EXOC6B: variants seen among roughly 807,000 people sequenced by gnomAD.
EXOC6B encodes SEC15 homolog B.
EXOC6B carries 54 observed loss-of-function variants against 113.5 expected under a neutral mutation model. The ratio of observed to expected loss-of-function variants is 0.48; its 90% CI spans 0.38 to 0.60. The LOEUF is 0.60. Ranked by LOEUF, EXOC6B falls within the 20% of genes least tolerant of loss-of-function variation. EXOC6B has a pLI of 0.00. For synonymous variants in EXOC6B, 357 were observed against 339.0 expected (o/e 1.05, Z -0.58); for missense variants, 797 against 977.5 (o/e 0.82, Z 2.46).
intron 17 of EXOC6B, among the ~76,000 whole-genome samples, chr2:72,474,127 T>G (rs1027506976): frequency 2.0e-5 from 3 of 152,046 alleles, no homozygotes; most frequent in African/African-American, 7.2e-5. Context: ...TTCTGAGAAA[T>G]CCACTGTTAG....
At chr2:72,473,568 A>G (rs920133203) in intron 17 of EXOC6B, among the ~76,000 whole-genome samples, 1 of 152,060 alleles carries the variant, frequency 6.6e-6, no homozygotes, top group Non-Finnish European at 1.5e-5. Flanking sequence ...GCATCTTTAA[A>G]GGTAAATTAT....
At chr2:72,447,341 A>G (rs1558675816) in intron 18 of EXOC6B, among the ~76,000 whole-genome samples, 1 of 152,192 alleles carries the variant, frequency 6.6e-6, no homozygotes, top group Non-Finnish European at 1.5e-5. Context: ...CACCTAAGAA[A>G]TGTCTATTAA....
At position 72,441,908 on chromosome 2, in the gene EXOC6B, C is replaced by T. The variant is rs545049451; in HGVS notation, c.1980+23252G>A. Among the ~76,000 whole-genome samples the T allele has an allele frequency of 3.3e-5, 5 of 152,314 alleles. No homozygotes were observed. The East Asian group carries it at 9.6e-4, about 29-fold the overall frequency. On this transcript the variant is annotated intron_variant, in intron 18 of 21. Coordinates refer to ENST00000272427, the MANE Select transcript of EXOC6B (RefSeq NM_015189.3). ...TCCTCCCTAATGCAATCTATGAGGC[C>T]AGCCTCATCCTGATAGCAAAACCTG... is the stretch of plus-strand genomic sequence containing the variant.
At chr2:72,799,623 A>G (rs1200793651) in intron 1 of EXOC6B, among the ~76,000 whole-genome samples, 3 of 152,230 alleles carry the variant, frequency 2.0e-5, no homozygotes, top group Non-Finnish European at 4.4e-5. Flanking sequence ...TTAATATAAA[A>G]GCCTATGCAA....
intron 18 of EXOC6B, among the ~76,000 whole-genome samples, chr2:72,404,544 G>C (rs1693591495): frequency 6.6e-6 from 1 of 152,182 alleles, no homozygotes; most frequent in African/African-American, 2.4e-5. Flanking sequence ...AGCATTTGCT[G>C]TTCACCAATA....
In EXOC6B at chr2:72,684,299, C is replaced by T. The variant is rs1676932289; in HGVS notation, c.669+33804G>A. Among the ~76,000 whole-genome samples the T allele has an allele frequency of 3.3e-5, 5 of 152,176 alleles. No homozygotes were observed. The South Asian group carries it at 1.0e-3, about 32-fold the overall frequency. ...ACTAAACCAAAATAAATGTTGACCA[C>T]CATGAGATAACACTACACACCCACC... is the stretch of plus-strand genomic sequence containing the variant. On this transcript the variant is annotated intron_variant, in intron 6 of 21. Transcript: ENST00000272427.
chr2:72,447,202 A>C (rs1325139851), intron 18 of EXOC6B, among the ~76,000 whole-genome samples: 1 of 152,152 alleles, frequency 6.6e-6, no homozygotes, highest in African/African-American at 2.4e-5. Context: ...CTTTGGAAAA[A>C]TGTTCCTCTT....
intron 19 of EXOC6B, among the ~76,000 whole-genome samples, chr2:72,379,460 T>C (rs961102001): frequency 4.6e-5 from 7 of 152,208 alleles, no homozygotes; most frequent in African/African-American, 1.7e-4. Context: ...GTCTATTAAA[T>C]GCACGCCTCC....
At chr2:72,321,863 G>A (rs1249380160) in intron 20 of EXOC6B, among the ~76,000 whole-genome samples, 2 of 152,106 alleles carry the variant, frequency 1.3e-5, no homozygotes, top group Non-Finnish European at 2.9e-5. Flanking sequence ...ATTTAAGAAG[G>A]ATGAATTTAC....
intron 20 of EXOC6B, 57 bp from the exon 21 acceptor site, chr2:72,184,244 G>C: frequency 1.1e-6 from 1 of 873,170 alleles, no homozygotes. Context: ...GACAAACCAA[G>C]ATTCCAGAAA....
chr2:72,764,918 ATC>A (rs1246482494), intron 1 of EXOC6B, among the ~76,000 whole-genome samples: 10 of 152,186 alleles, frequency 6.6e-5, no homozygotes. Context: ...TTGCCTGTAA[ATC>A]TCTTTCTTGA....
chr2:72,673,172 GT>G (rs1676029624), intron 6 of EXOC6B, among the ~76,000 whole-genome samples: 1 of 152,050 alleles, frequency 6.6e-6, no homozygotes, highest in African/African-American at 2.4e-5. Flanking sequence ...TCAAAGACAA[GT>G]CTTTACATTG....
intron 20 of EXOC6B, among the ~76,000 whole-genome samples, chr2:72,272,756 C>T (rs1297609181): frequency 6.6e-6 from 1 of 151,952 alleles, no homozygotes; most frequent in African/African-American, 2.4e-5. Flanking sequence ...ATGGGCTAGC[C>T]GTGAATAGGA....
chr2:72,552,139 C>T (rs984837104), intron 8 of EXOC6B, among the ~76,000 whole-genome samples: 4 of 151,916 alleles, frequency 2.6e-5, no homozygotes, highest in Non-Finnish European at 5.9e-5. Flanking sequence ...TTGGTACTGG[C>T]GGATATAACA....
chr2:72,393,534 G>C (rs968440264), intron 18 of EXOC6B, among the ~76,000 whole-genome samples: 1 of 151,882 alleles, frequency 6.6e-6, no homozygotes, highest in Non-Finnish European at 1.5e-5. Flanking sequence ...ATTTTCTCCA[G>C]GTTTTTATGG....
rs1558630492 is a variant in EXOC6B at position 72,401,538 on chromosome 2, T to TACAC, written c.1981-21669_1981-21668insGTGT. Among the ~76,000 whole-genome samples, 11 of 27,948 alleles carry TACAC rather than the reference T, an allele frequency of 3.9e-4. 1 individual carries two copies. The African/African-American group carries it at 7.7e-3, about 20-fold the overall frequency. The allele number at this position is 27,948 out of a possible 152,430, so 18.3% of individuals were successfully genotyped here. ...ATACATATATACATATATATATATA[T>TACAC]ATATATGTGTATATATATATATATA... On this transcript the variant is annotated intron_variant, in intron 18 of 21. Coordinates refer to ENST00000272427, the MANE Select transcript of EXOC6B (RefSeq NM_015189.3).
At chr2:72,229,447 G>A (rs1479305758) in intron 20 of EXOC6B, among the ~76,000 whole-genome samples, 1 of 152,120 alleles carries the variant, frequency 6.6e-6, no homozygotes, top group Non-Finnish European at 1.5e-5. Context: ...CACTCTTTAT[G>A]ACAACAGGAC....
intron 1 of EXOC6B, among the ~76,000 whole-genome samples, 186 bp from the exon 2 acceptor site, chr2:72,741,655 A>G (rs990490536): frequency 6.6e-6 from 1 of 152,242 alleles, no homozygotes; most frequent in Non-Finnish European, 1.5e-5. Flanking sequence ...TATTCATTCC[A>G]AAATATTTGA....
intron 6 of EXOC6B, among the ~76,000 whole-genome samples, chr2:72,623,679 G>A (rs1381009614): frequency 6.6e-6 from 1 of 152,074 alleles, no homozygotes; most frequent in East Asian, 1.9e-4. Flanking sequence ...TGACCCAGCT[G>A]ACCAGCACCT....
Sources: allele counts gnomAD v4.1 joint callset (sites outside exome capture counted in the v4.1 genomes callset), GRCh38; gene constraint gnomAD v4.1.1; transcripts MANE v1.5; gene names NCBI Gene and HGNC (gene_info 2026-07-23, HGNC 2026-07-21).